XXYLT1: variants seen among roughly 807,000 people sequenced by gnomAD.
The protein encoded by XXYLT1 is UDP-xylose:alpha-xyloside alpha-1,3-xylosyltransferase.
XXYLT1 carries 20 observed loss-of-function variants against 28.9 expected under a neutral mutation model. That is an observed-to-expected ratio of 0.69 (90% CI 0.49 to 1.00). XXYLT1 has a LOEUF of 1.00. Among genes scored for constraint, XXYLT1 ranks in the 50% least tolerant of loss-of-function variants. XXYLT1 has a pLI of 0.00. For missense variants in XXYLT1, 542 were observed against 560.1 expected, an observed-to-expected ratio of 0.97 and a Z score of 0.33; for synonymous variants, 257 against 253.8, an observed-to-expected ratio of 1.01 and a Z score of -0.12.
intron 1 of XXYLT1, among the ~76,000 whole-genome samples, chr3:195,244,055 T>G (rs1724897550): frequency 6.6e-6 from 1 of 152,156 alleles, no homozygotes; most frequent in South Asian, 2.1e-4. Context: ...CTCCTCACCC[T>G]CATCTCCACC....
At chr3:195,193,101 C>T (rs1322554239) in intron 2 of XXYLT1, among the ~76,000 whole-genome samples, 5 of 152,058 alleles carry the variant, frequency 3.3e-5, no homozygotes, top group East Asian at 1.9e-4. Flanking sequence ...GCCTGGCCAA[C>T]GTGGTGAAAC....
intron 2 of XXYLT1, among the ~76,000 whole-genome samples, chr3:195,169,872 T>A (rs1038518431): frequency 2.9e-5 from 4 of 137,140 alleles, no homozygotes; most frequent in Admixed American, 1.4e-4. Context: ...TATATATATT[T>A]TTTTTTTTTT....
rs1369611482 is a variant in XXYLT1 at position 195,173,837 on chromosome 3, G to A, written c.653-17256C>T. 2.0e-5 allele frequency among the ~76,000 whole-genome samples: 3 copies of A among 152,234 alleles called. No homozygotes were observed. The East Asian group carries it at 5.8e-4, about 29-fold the overall frequency. ...GGAGTCCCTCCTATGGGCCATGAGT[G>A]GCAATGACCTCATTTCCCTGACAGG... On this transcript the variant is annotated intron_variant, in intron 2 of 3. Coordinates refer to ENST00000310380, the MANE Select transcript of XXYLT1 (RefSeq NM_152531.5). This position sits in a 1 kb window ranked among gnomAD's most constrained non-coding sequence, Gnocchi z 4.3.
chr3:195,117,941 T>C (rs1003090881), intron 3 of XXYLT1, among the ~76,000 whole-genome samples: 1 of 152,248 alleles, frequency 6.6e-6, no homozygotes, highest in Admixed American at 6.5e-5. Flanking sequence ...CAGGGCAGCA[T>C]GTTCTACTTT....
rs556519607 is a variant in XXYLT1, at chr3:195,124,897, A to C, written c.785+31552T>G. On this transcript the variant is annotated intron_variant, in intron 3 of 3. Transcript: ENST00000310380. This position sits in a 1 kb window ranked among gnomAD's most constrained non-coding sequence, Gnocchi z 4.1. ...GACGCAGCACACATCTGTATTTTCT[A>C]TCAGGCTGCGGGTGCACAAGGCTGT... Among the ~76,000 whole-genome samples the C allele has an allele frequency of 6.6e-6, 1 of 152,190 alleles. No individual in the cohort carries two copies. Among genetic ancestry groups the C allele is most frequent in the Non-Finnish European group, 1.5e-5 (1 of 68,036 alleles).
At chr3:195,251,656 C>T (rs1279738009) in intron 1 of XXYLT1, among the ~76,000 whole-genome samples, 1 of 152,194 alleles carries the variant, frequency 6.6e-6, no homozygotes, top group African/African-American at 2.4e-5. Context: ...AGGAGCCACG[C>T]AGGTCTGCTC....
At chr3:195,219,336 C>G (rs913007365) in intron 2 of XXYLT1, among the ~76,000 whole-genome samples, 1 of 152,154 alleles carries the variant, frequency 6.6e-6, no homozygotes, top group Admixed American at 6.5e-5. Context: ...AGTAAAAGTA[C>G]AAAAAGTACA....
rs1004151306 is a variant in XXYLT1 at position 195,069,975 on chromosome 3, G to A, written c.922C>T (p.Arg308Cys). The change falls in exon 4 of 4, where the codon CGC becomes TGC. Residue 308 changes from arginine to cysteine, a missense_variant. Arg to Cys is a radical substitution (Grantham distance 180). Transcript: ENST00000310380. ...EAMRQSPLYS[R>C]LLEPAQVQQL... ...TGCACCTGCGCCGGCTCCAGCAGGC[G>A]GCTGTAGAGCGGGGACTGGCGCATG... 23 of 1,610,570 alleles carry A rather than the reference G, an allele frequency of 1.4e-5. No individual in the cohort carries two copies. Among genetic ancestry groups the A allele is most frequent in the Admixed American group, 3.3e-5 (2 of 59,990 alleles).
chr3:195,174,268 A>T (rs1721549896), intron 2 of XXYLT1, among the ~76,000 whole-genome samples: 2 of 152,164 alleles, frequency 1.3e-5, no homozygotes, highest in Admixed American at 1.3e-4. Context: ...TCCTGGGAAG[A>T]GGAAACACAC....
chr3:195,190,132 CA>C (rs763683271), intron 2 of XXYLT1, among the ~76,000 whole-genome samples: 15 of 142,890 alleles, frequency 1.0e-4, no homozygotes, highest in Middle Eastern at 6.9e-3. Flanking sequence ...TTCAAAAATG[CA>C]AAAAAAAAGA....
chr3:195,113,010 C>T (rs2108705218), intron 3 of XXYLT1, among the ~76,000 whole-genome samples: 1 of 152,380 alleles, frequency 6.6e-6, no homozygotes, highest in African/African-American at 2.4e-5. Context: ...ACTCGCCGTG[C>T]CATCCCAGGC....
At chr3:195,096,806 T>TA (rs1369015423) in intron 3 of XXYLT1, among the ~76,000 whole-genome samples, 11 of 152,198 alleles carry the variant, frequency 7.2e-5, no homozygotes, top group South Asian at 2.1e-4. Context: ...TCCATGGGTT[T>TA]AAAAAAATGA....
chr3:195,190,455 C>T (rs1441083717), intron 2 of XXYLT1, among the ~76,000 whole-genome samples: 3 of 140,172 alleles, frequency 2.1e-5, no homozygotes, highest in Non-Finnish European at 4.5e-5. Flanking sequence ...AGTTATGCTG[C>T]TGCACTCCAG....
In XXYLT1 at chr3:195,101,781, C is replaced by G. The variant is rs555615119; in HGVS notation, c.786-31670G>C. 7.3e-5 allele frequency among the ~76,000 whole-genome samples: 9 copies of G among 122,550 alleles called. 1 individual carries two copies. The Admixed American group carries it at 9.4e-4, about 13-fold the overall frequency. The allele number at this position is 122,550 out of a possible 152,430, so 80.4% of individuals were successfully genotyped here. On this transcript the variant is annotated intron_variant, in intron 3 of 3. Coordinates refer to ENST00000310380, the MANE Select transcript of XXYLT1 (RefSeq NM_152531.5). ...TTTATGTCCAGCCTGGGAAATGTAGCGAGACCCTATCTCTATTGAAAAAAA... is the reference window on the plus strand; with the variant it reads ...TTTATGTCCAGCCTGGGAAATGTAGGGAGACCCTATCTCTATTGAAAAAAA...
chr3:195,135,943 C>T (rs186099706), intron 3 of XXYLT1, among the ~76,000 whole-genome samples: 24 of 152,208 alleles, frequency 1.6e-4, no homozygotes, highest in Middle Eastern at 3.4e-3. Flanking sequence ...TGATAATGAC[C>T]AACATTCCCT....
chr3:195,216,047 CT>C (rs1723558117), intron 2 of XXYLT1, among the ~76,000 whole-genome samples: 1 of 151,624 alleles, frequency 6.6e-6, no homozygotes, highest in African/African-American at 2.4e-5. Flanking sequence ...TACATGGAAA[CT>C]GAACAACCTG....
At position 195,215,734 on chromosome 3, in the gene XXYLT1, C is replaced by G. The variant is rs574451101; in HGVS notation, c.652+10975G>C. On this transcript the variant is annotated intron_variant, in intron 2 of 3. Transcript: ENST00000310380. Reference sequence around the variant, plus strand: ...AAACATTAATAATGGGAGACTTTAACACCCCACTGTCAACATTAGACAGAT... The same window carrying G: ...AAACATTAATAATGGGAGACTTTAAGACCCCACTGTCAACATTAGACAGAT... Among the ~76,000 whole-genome samples the G allele has an allele frequency of 6.8e-3, 1,031 of 152,092 alleles. 5 individuals carry two copies. Among genetic ancestry groups the G allele is most frequent in the Non-Finnish European group, 0.011 (723 of 67,994 alleles).
At chr3:195,215,138 A>T (rs2108785475) in intron 2 of XXYLT1, among the ~76,000 whole-genome samples, 1 of 151,544 alleles carries the variant, frequency 6.6e-6, no homozygotes, top group Non-Finnish European at 1.5e-5. Context: ...TTTTGTCACC[A>T]CCAGGCCTGC....
chr3:195,180,387 A>T lies in XXYLT1; in HGVS notation c.653-23806T>A. On this transcript the variant is annotated intron_variant, in intron 2 of 3. Transcript: ENST00000310380. The surrounding 1 kb of genome is among the most constrained non-coding windows in gnomAD (Gnocchi z 5.8). ...CCCTGGCCCGCCTGGCCCTCAAGAC[A>T]CACTTCCTTCGGCTGCAGCCTCGCC... The T allele has an allele frequency of 1.0e-6, 1 of 979,318 alleles. No homozygotes were observed. Among genetic ancestry groups the T allele is most frequent in the Non-Finnish European group, 1.2e-6 (1 of 830,042 alleles). 60.7% of individuals were successfully genotyped at this position (979,318 alleles called of 1,614,324 possible).
Sources: allele counts gnomAD v4.1 joint callset (sites outside exome capture counted in the v4.1 genomes callset), GRCh38; gene constraint gnomAD v4.1.1; non-coding constraint Gnocchi (gnomAD v3.1); transcripts MANE v1.5; gene names NCBI Gene and HGNC (gene_info 2026-07-23, HGNC 2026-07-21).